PTPRG: variants seen among roughly 807,000 people sequenced by gnomAD.
PTPRG encodes receptor-type tyrosine-protein phosphatase gamma.
In PTPRG, 102 loss-of-function variants were observed where a neutral mutation model predicts 165.3. The ratio of observed to expected loss-of-function variants is 0.62; its 90% CI spans 0.53 to 0.73. The LOEUF is 0.73. Among genes scored for constraint, PTPRG ranks in the 30% least tolerant of loss-of-function variants. The pLI is 0.00. For missense variants in PTPRG, 1,866 were observed against 1,861.4 expected (o/e 1.00, Z -0.05); for synonymous variants, 675 against 669.5 (o/e 1.01, Z -0.13).
At chr3:62,132,050 A>T (rs944697009) in intron 5 of PTPRG, among the ~76,000 whole-genome samples, 1 of 152,168 alleles carries the variant, frequency 6.6e-6, no homozygotes, top group Non-Finnish European at 1.5e-5. Flanking sequence ...AAACCCCAGG[A>T]GGAAATGAAG....
chr3:62,092,243 C>T (rs1036894815), intron 5 of PTPRG, among the ~76,000 whole-genome samples: 3 of 151,494 alleles, frequency 2.0e-5, no homozygotes, highest in African/African-American at 7.3e-5. Flanking sequence ...AGTTCATGAC[C>T]AGCCCGGCCA....
chr3:62,193,972 T>G (rs2106814671), intron 9 of PTPRG, among the ~76,000 whole-genome samples: 1 of 152,356 alleles, frequency 6.6e-6, no homozygotes, highest in African/African-American at 2.4e-5. Context: ...GTTTCCATTT[T>G]CTCGTTTTTA....
At chr3:61,966,486 G>A (rs964108364) in intron 2 of PTPRG, among the ~76,000 whole-genome samples, 2 of 152,102 alleles carry the variant, frequency 1.3e-5, no homozygotes, top group African/African-American at 4.8e-5. Context: ...TTTACAATGG[G>A]GTGTGCTGAT....
At chr3:61,828,153 A>G (rs1022277709) in intron 2 of PTPRG, among the ~76,000 whole-genome samples, 2 of 152,124 alleles carry the variant, frequency 1.3e-5, no homozygotes, top group Non-Finnish European at 2.9e-5. Context: ...TTCTCAGTCT[A>G]TCAAGGTACA....
At chr3:61,565,132 A>G (rs1044520962) in intron 1 of PTPRG, among the ~76,000 whole-genome samples, 4 of 152,152 alleles carry the variant, frequency 2.6e-5, no homozygotes, top group Non-Finnish European at 4.4e-5. Context: ...TGTTCAGGAT[A>G]TGGGTTAGCT....
At chr3:61,855,988 A>G (rs1011727712) in intron 2 of PTPRG, among the ~76,000 whole-genome samples, 4 of 151,996 alleles carry the variant, frequency 2.6e-5, no homozygotes, top group East Asian at 1.9e-4. Context: ...ACTTCTTCCT[A>G]TTTCCAGAAG....
At chr3:62,084,717 C>A (rs539022455) in intron 5 of PTPRG, among the ~76,000 whole-genome samples, 1 of 152,290 alleles carries the variant, frequency 6.6e-6, no homozygotes, top group East Asian at 1.9e-4. Context: ...CACCTTCCCC[C>A]TCCTTCCCCA....
chr3:62,227,911 T>G (rs1425302919), intron 13 of PTPRG, among the ~76,000 whole-genome samples: 1 of 152,236 alleles, frequency 6.6e-6, no homozygotes, highest in Non-Finnish European at 1.5e-5. Flanking sequence ...TTATCTGGCT[T>G]CTTCTGATAA....
chr3:61,942,630 C>G (rs2107608684), intron 2 of PTPRG, among the ~76,000 whole-genome samples: 1 of 152,260 alleles, frequency 6.6e-6, no homozygotes, highest in East Asian at 1.9e-4. Flanking sequence ...GATGAAGAAA[C>G]TGAGACTCAG....
rs140900145 is a variant in PTPRG, at chr3:61,723,476, A to G, written c.86-25402A>G. ...CCATGGTTTCATTGTCTTTAAATATATATTTTCTCATGTTACGAGGTCCTT... is the reference window on the plus strand; with the variant it reads ...CCATGGTTTCATTGTCTTTAAATATGTATTTTCTCATGTTACGAGGTCCTT... On this transcript the variant is annotated intron_variant, in intron 1 of 29. Transcript: ENST00000474889. 1.2e-3 allele frequency among the ~76,000 whole-genome samples: 190 copies of G among 152,276 alleles called. 1 individual carries two copies. The highest frequency in any genetic ancestry group is 4.2e-3 in the African/African-American group (175 of 41,566).
intron 5 of PTPRG, among the ~76,000 whole-genome samples, chr3:62,127,559 T>A (rs1250420262): frequency 6.6e-6 from 1 of 152,202 alleles, no homozygotes. Flanking sequence ...GTATAGCCAT[T>A]CACCCTCAGC....
chr3:62,059,499 T>A (rs2106683271), intron 4 of PTPRG, among the ~76,000 whole-genome samples: 1 of 152,326 alleles, frequency 6.6e-6, no homozygotes, highest in South Asian at 2.1e-4. Flanking sequence ...TAAAGCGTCA[T>A]AGAATCTCAT....
At chr3:61,775,473 T>C (rs1335618014) in intron 2 of PTPRG, among the ~76,000 whole-genome samples, 1 of 152,202 alleles carries the variant, frequency 6.6e-6, no homozygotes, top group Non-Finnish European at 1.5e-5. Flanking sequence ...TGGGCAGATG[T>C]TTTTAATCGT....
intron 2 of PTPRG, among the ~76,000 whole-genome samples, chr3:61,836,367 A>T (rs1220333701): frequency 1.3e-5 from 2 of 152,280 alleles, no homozygotes; most frequent in South Asian, 2.1e-4. Flanking sequence ...AAGTGGTTGA[A>T]GTAATGCAGT....
chr3:61,971,205 A>G (rs1001306354), intron 2 of PTPRG, among the ~76,000 whole-genome samples: 1 of 152,128 alleles, frequency 6.6e-6, no homozygotes, highest in African/African-American at 2.4e-5. Flanking sequence ...GCATCTGCCA[A>G]CCATGTCCGG....
intron 6 of PTPRG, among the ~76,000 whole-genome samples, chr3:62,137,406 A>G (rs1703750215): frequency 6.6e-6 from 1 of 152,218 alleles, no homozygotes; most frequent in African/African-American, 2.4e-5. Flanking sequence ...GCAAGAGGTC[A>G]GGTGAATATG....
intron 2 of PTPRG, among the ~76,000 whole-genome samples, chr3:61,870,744 A>G (rs1166036244): frequency 1.3e-5 from 2 of 151,830 alleles, no homozygotes; most frequent in Non-Finnish European, 2.9e-5. Context: ...AAATCTGTGT[A>G]AGTGTTGTCT....
intron 2 of PTPRG, among the ~76,000 whole-genome samples, chr3:61,793,846 C>T (rs1357508148): frequency 6.6e-6 from 1 of 152,148 alleles, no homozygotes; most frequent in East Asian, 1.9e-4. Context: ...GTGAAAATGA[C>T]ACTGTGAGAA....
chr3:62,145,357 C>T (rs916561744), intron 6 of PTPRG, among the ~76,000 whole-genome samples: 9 of 152,146 alleles, frequency 5.9e-5, no homozygotes, highest in East Asian at 1.9e-4. Flanking sequence ...TCACCACTGC[C>T]ACCAACCCCC....
Sources: gnomAD v4.1 joint callset for allele counts (sites outside exome capture counted in the v4.1 genomes callset) on GRCh38, gnomAD v4.1.1 for gene constraint, MANE v1.5 for transcripts, NCBI Gene and HGNC (gene_info 2026-07-23, HGNC 2026-07-21) for gene names.